Variants in AP3B1 observed in about 807,000 individuals in gnomAD.
AP3B1 encodes the protein AP-3 complex subunit beta-1.
Under a neutral mutation model 132.5 loss-of-function variants are expected in AP3B1, and 61 were observed. That is an observed-to-expected ratio of 0.46 (90% confidence interval 0.37 to 0.57). The LOEUF (loss-of-function observed/expected upper bound fraction) is 0.57. Among genes scored for constraint, AP3B1 ranks in the 20% least tolerant of loss-of-function variants. The pLI is 0.00. For synonymous variants in AP3B1, 388 were observed against 438.3 expected (o/e 0.89, Z 1.43); for missense variants, 1,120 against 1,289.4 (o/e 0.87, Z 2.01).
chr5:78,059,310 T>A (rs1343061950), intron 22 of AP3B1, among the ~76,000 whole-genome samples: 2 of 152,154 alleles, frequency 1.3e-5, no homozygotes, highest in African/African-American at 4.8e-5. Context: ...CCCCTAGAGC[T>A]CCAGAAGGAA....
chr5:78,036,398 T>G (rs956866370), intron 23 of AP3B1, among the ~76,000 whole-genome samples: 1 of 152,166 alleles, frequency 6.6e-6, no homozygotes, highest in African/African-American at 2.4e-5. Flanking sequence ...TATGTAGAAG[T>G]GGCTGAAAAA....
intron 22 of AP3B1, among the ~76,000 whole-genome samples, chr5:78,050,401 A>G (rs1748529542): frequency 6.6e-6 from 1 of 152,144 alleles, no homozygotes; most frequent in South Asian, 2.1e-4. Context: ...ACTATTTTAA[A>G]TGATTATGGA....
chr5:78,158,956 C>T (rs972446746), intron 13 of AP3B1, among the ~76,000 whole-genome samples: 1 of 152,156 alleles, frequency 6.6e-6, no homozygotes, highest in Admixed American at 6.5e-5. Flanking sequence ...CCTTGGCCTC[C>T]CAAATGCTGG....
chr5:78,068,715 C>T (rs1051195036), intron 22 of AP3B1, among the ~76,000 whole-genome samples: 8 of 152,026 alleles, frequency 5.3e-5, no homozygotes, highest in Non-Finnish European at 4.4e-5. Flanking sequence ...CTATTCCAAA[C>T]AATTGAAAAG....
intron 20 of AP3B1, among the ~76,000 whole-genome samples, chr5:78,107,612 G>A (rs1448741705): frequency 5.9e-5 from 9 of 152,136 alleles, no homozygotes; most frequent in Admixed American, 2.0e-4. Context: ...ACAGAGCTGC[G>A]TTCAAAGGAA....
At chr5:78,012,232 T>C (rs939339186) in intron 26 of AP3B1, among the ~76,000 whole-genome samples, 4 of 152,052 alleles carry the variant, frequency 2.6e-5, no homozygotes, top group African/African-American at 9.6e-5. Context: ...TGGAACACTA[T>C]AGTTAAAAAC....
intron 26 of AP3B1, among the ~76,000 whole-genome samples, chr5:78,004,937 T>C (rs769839168): frequency 8.3e-4 from 126 of 152,316 alleles, no homozygotes; most frequent in Middle Eastern, 3.4e-3. Context: ...CTCAATTTCA[T>C]CTTTGAGAAA....
In AP3B1 at chr5:78,225,523, G is replaced by A. The variant is rs201278348; in HGVS notation, c.603+19C>T. ...TAAAGTACATTTTTATGTCAAAGACGTAAAAAGACATTACTTACTGTGCTT... is the reference window on the plus strand; with the variant it reads ...TAAAGTACATTTTTATGTCAAAGACATAAAAAGACATTACTTACTGTGCTT... On this transcript the variant is annotated intron_variant, in intron 6 of 26. Coordinates refer to ENST00000255194, the MANE Select transcript of AP3B1 (RefSeq NM_003664.5). The A allele has an allele frequency of 3.6e-5, 49 of 1,373,472 alleles. 1 individual carries two copies. The highest frequency in any genetic ancestry group is 7.2e-5 in the South Asian group (6 of 83,568). The allele number at this position is 1,373,472 out of a possible 1,614,324, so 85.1% of individuals were successfully genotyped here.
At chr5:78,071,927 G>C (rs1261312342) in intron 22 of AP3B1, among the ~76,000 whole-genome samples, 1 of 152,138 alleles carries the variant, frequency 6.6e-6, no homozygotes. Flanking sequence ...TAATTTCATA[G>C]CTAACAGCCT....
intron 2 of AP3B1, among the ~76,000 whole-genome samples, chr5:78,263,014 T>C (rs776602855): frequency 6.6e-6 from 1 of 151,574 alleles, no homozygotes; most frequent in Admixed American, 6.6e-5. Flanking sequence ...CAGGGACTCA[T>C]GGGATTCTAT....
At chr5:78,071,054 C>T (rs1749518513) in intron 22 of AP3B1, among the ~76,000 whole-genome samples, 1 of 152,192 alleles carries the variant, frequency 6.6e-6, no homozygotes. Context: ...AATCCCATTA[C>T]TGGGTATATA....
chr5:78,206,705 A>C (rs1745519515), intron 7 of AP3B1, among the ~76,000 whole-genome samples: 1 of 152,264 alleles, frequency 6.6e-6, no homozygotes, highest in South Asian at 2.1e-4. Context: ...TAAACAACAG[A>C]TCAAAGCAAT....
intron 1 of AP3B1, among the ~76,000 whole-genome samples, chr5:78,274,374 TAGAAC>T (rs753622990): frequency 2.7e-5 from 4 of 147,170 alleles, no homozygotes; most frequent in Non-Finnish European, 6.0e-5. Flanking sequence ...ATGGAAAAAA[TAGAAC>T]AGAGCATCAG....
chr5:78,273,338 C>T (rs564341992), intron 1 of AP3B1, among the ~76,000 whole-genome samples: 81 of 152,098 alleles, frequency 5.3e-4, no homozygotes, highest in Non-Finnish European at 1.0e-3. Flanking sequence ...GAGGGTAAGA[C>T]TGCAATGAAC....
chr5:78,115,925 T>C (rs894989141), intron 18 of AP3B1: 13 of 602,536 alleles, frequency 2.2e-5, no homozygotes, highest in South Asian at 2.0e-4. Context: ...ATCCAAGAGA[T>C]ATTGTAAAGT....
rs1364461711 is a variant in AP3B1, at chr5:78,158,799, C to A, written c.1364-2432G>T. On this transcript the variant is annotated intron_variant, in intron 13 of 26. Transcript: ENST00000255194. Reference sequence around the variant, plus strand: ...GCAACCTCCACTTCCGGGGTTCAAGCGATTCTCCTGCCTCAGCCTCCCAAG... The same window carrying A: ...GCAACCTCCACTTCCGGGGTTCAAGAGATTCTCCTGCCTCAGCCTCCCAAG... Among the ~76,000 whole-genome samples the A allele has an allele frequency of 2.6e-5, 4 of 151,894 alleles. No homozygotes were observed. In the South Asian group the frequency reaches 8.3e-4, roughly 32 times the overall value.
chr5:78,011,399 T>G (rs1746621549), intron 26 of AP3B1, among the ~76,000 whole-genome samples: 1 of 152,148 alleles, frequency 6.6e-6, no homozygotes, highest in Non-Finnish European at 1.5e-5. Context: ...GTTTTTCAAG[T>G]AAGTACGACA....
At chr5:78,167,239 T>G (rs1743673646) in intron 11 of AP3B1, among the ~76,000 whole-genome samples, 1 of 151,184 alleles carries the variant, frequency 6.6e-6, no homozygotes, top group Non-Finnish European at 1.5e-5. Flanking sequence ...CATGGAAAAA[T>G]GCTCAACATC....
At chr5:78,116,693 A>T (rs1030004819) in intron 17 of AP3B1, among the ~76,000 whole-genome samples, 2 of 152,032 alleles carry the variant, frequency 1.3e-5, no homozygotes, top group Non-Finnish European at 2.9e-5. Flanking sequence ...TAAATCCTGG[A>T]GTAATCCTTG....
Sources: gnomAD v4.1 joint callset for allele counts (sites outside exome capture counted in the v4.1 genomes callset) on GRCh38, gnomAD v4.1.1 for gene constraint, MANE v1.5 for transcripts, NCBI Gene and HGNC (gene_info 2026-07-23, HGNC 2026-07-21) for gene names.